HK1: variants seen among roughly 807,000 people sequenced by gnomAD.
HK1 encodes the protein hexokinase 1.
Under a neutral mutation model 91.6 loss-of-function variants are expected in HK1, and 28 were observed. The ratio of observed to expected loss-of-function variants is 0.31; its 90% CI spans 0.23 to 0.42. The LOEUF is 0.42. HK1 is among the 10% of genes least tolerant of loss of function. HK1 has a pLI of 1.00. For missense variants in HK1, 770 were observed against 1,219.8 expected (o/e 0.63, Z 5.49); for synonymous variants, 430 against 468.1 (o/e 0.92, Z 1.05).
chr10:69,382,918 A>C, intron 10 of HK1, 127 bp downstream of exon 10: 4 of 807,832 alleles, frequency 5.0e-6, no homozygotes, highest in Non-Finnish European at 8.1e-6. Flanking sequence ...AGAGCTAGAA[A>C]CTCCCTCACA....
At chr10:69,287,106 A>G (rs76955445) in intron 2 of HK1, among the ~76,000 whole-genome samples, 2,849 of 152,330 alleles carry the variant, frequency 0.019, 85 homozygotes, top group African/African-American at 0.06. Flanking sequence ...AAAAAAGAAA[A>G]GAAAGAAAAA....
intron 3 of HK1, chr10:69,292,299 C>T (rs1246745227): frequency 2.3e-6 from 1 of 430,642 alleles, no homozygotes; most frequent in Non-Finnish European, 4.6e-6. Flanking sequence ...TCTTAAATCC[C>T]TGGCGTCAAG....
At position 69,364,890 on chromosome 10, in the gene HK1, C is replaced by A; in HGVS notation, c.483C>A (p.Ser161=). ...CGTTTTCTTTTCCTTGCCAACAATC[C>A]AAAATAGATGAGGTAAGGATGTTCT... ...GFTFSFPCQQ[S]KIDEAILITW... is the part of the protein sequence containing the mutation. The change falls in exon 4 of 18, where the codon TCC becomes TCA. Residue 161 remains serine (S), a synonymous_variant. Coordinates refer to ENST00000359426, the MANE Select transcript of HK1 (RefSeq NM_000188.3). 1 of 1,614,020 alleles carries A rather than the reference C, an allele frequency of 6.2e-7. No individual in the cohort carries two copies. Among genetic ancestry groups the A allele is most frequent in the Non-Finnish European group, 8.5e-7 (1 of 1,180,022 alleles).
At chr10:69,318,722 A>G (rs1246568536), upstream of HK1, 17 of 770,798 alleles carry the variant, frequency 2.2e-5, no homozygotes, top group Middle Eastern at 4.1e-4. Context: ...GCCGCAACCA[A>G]TGGGCGTGGA....
rs190948283 is a variant in HK1 at position 69,306,572 on chromosome 10, G to A, written c.27+5711G>A. ...GGAGGGTGGAGGAACAGTCAGCTATGCATTCATACTCAGTGAATGTGCATT... is the reference window on the plus strand; with the variant it reads ...GGAGGGTGGAGGAACAGTCAGCTATACATTCATACTCAGTGAATGTGCATT... On this transcript the variant is annotated intron_variant, in intron 5 of 21. Coordinates refer to the HK1 transcript ENST00000360289. Among the ~76,000 whole-genome samples the A allele has an allele frequency of 9.9e-4, 150 of 152,256 alleles. 1 individual carries two copies. The highest frequency in any genetic ancestry group is 2.2e-3 in the Admixed American group (34 of 15,294).
chr10:69,309,957 G>A (rs535196681), intron 5 of HK1, among the ~76,000 whole-genome samples: 1 of 150,396 alleles, frequency 6.6e-6, no homozygotes, highest in African/African-American at 2.4e-5. Context: ...GGCTGAGGCA[G>A]GAGAATTGCT....
chr10:69,384,642 T>C, intron 11 of HK1, 154 bp from the exon 12 acceptor site: 1 of 1,408,116 alleles, frequency 7.1e-7, no homozygotes, highest in Middle Eastern at 1.8e-4. Context: ...TGTGACACTC[T>C]GGTGGCTGAG....
intron 16 of HK1, among the ~76,000 whole-genome samples, chr10:69,396,639 A>G (rs1223911302): frequency 6.6e-6 from 1 of 152,024 alleles, no homozygotes; most frequent in Non-Finnish European, 1.5e-5. Flanking sequence ...ATAATGTCTT[A>G]AGGTTCATCC....
At chr10:69,398,019 G>A (rs960197630) in intron 16 of HK1, among the ~76,000 whole-genome samples, 7 of 152,350 alleles carry the variant, frequency 4.6e-5, no homozygotes, top group South Asian at 2.1e-4. Context: ...TAAGGCATCT[G>A]GCAATGTGTA....
At chr10:69,274,681 A>G (rs889723872) in intron 1 of HK1, among the ~76,000 whole-genome samples, 1 of 152,044 alleles carries the variant, frequency 6.6e-6, no homozygotes, top group Non-Finnish European at 1.5e-5. Context: ...CTCTTTCTCA[A>G]ATACAACAAT....
At position 69,276,118 on chromosome 10, in the gene HK1, A is replaced by AAATATATATATATATATAT; in HGVS notation, c.-391+6011_-391+6012insATATATATATATATATATA. Among the ~76,000 whole-genome samples the AAATATATATATATATATAT allele has an allele frequency of 2.3e-3, 87 of 38,258 alleles. 10 individuals carry two copies. The highest frequency in any genetic ancestry group is 3.5e-3 in the Non-Finnish European group (68 of 19,624). The allele number at this position is 38,258 out of a possible 152,430, so 25.1% of individuals were successfully genotyped here. ...AAAAAAAAAAAAAAAAAAAAAAAAA[A>AAATATATATATATATATAT]ATACATATATATATATATATACACA... On this transcript the variant is annotated intron_variant, in intron 1 of 21. Coordinates refer to the HK1 transcript ENST00000360289.
chr10:69,356,425 C>CTGT (rs1397132204), intron 2 of HK1, among the ~76,000 whole-genome samples: 6 of 152,054 alleles, frequency 3.9e-5, no homozygotes, highest in Non-Finnish European at 8.8e-5. Flanking sequence ...GAGCAAGACC[C>CTGT]TGTCTCAAAC....
At position 69,380,781 on chromosome 10, in the gene HK1, T is replaced by C. The variant is rs1332294943; in HGVS notation, c.1265+686T>C. ...CATCTCACCTTAGTTTTAGAAGCCA[T>C]GTTGTCCTGTGAGAACGTGGCTTAT... On this transcript the variant is annotated intron_variant, in intron 9 of 17. Coordinates refer to ENST00000359426, the MANE Select transcript of HK1 (RefSeq NM_000188.3). This position sits in a 1 kb window ranked among gnomAD's most constrained non-coding sequence, Gnocchi z 4.0. 1.3e-5 allele frequency among the ~76,000 whole-genome samples: 2 copies of C among 152,222 alleles called. No individual in the cohort carries two copies. Among genetic ancestry groups the C allele is most frequent in the South Asian group, 4.1e-4 (2 of 4,828 alleles).
At position 69,369,729 on chromosome 10, in the gene HK1, A is replaced by G. The variant is rs375686059; in HGVS notation, c.875+105A>G. On this transcript the variant is annotated intron_variant, in intron 7 of 17. Coordinates refer to ENST00000359426, the MANE Select transcript of HK1 (RefSeq NM_000188.3). The surrounding 1 kb of genome is among the most constrained non-coding windows in gnomAD (Gnocchi z 4.4). Reference sequence around the variant, plus strand: ...AGGGCATAAAGCCAAGTGATCACAAACAGAAAAGCCTGTCACATTTTTTTT... The same window carrying G: ...AGGGCATAAAGCCAAGTGATCACAAGCAGAAAAGCCTGTCACATTTTTTTT... The G allele has an allele frequency of 5.3e-6, 6 of 1,127,844 alleles. No individual in the cohort carries two copies. The South Asian group carries it at 8.0e-5, about 15-fold the overall frequency. 69.9% of individuals were successfully genotyped at this position (1,127,844 alleles called of 1,614,324 possible). A position where few individuals can be genotyped will look rare whatever the true frequency, so the allele number is the denominator to read the frequency against.
At chr10:69,292,266 T>C in intron 3 of HK1, 1 of 385,316 alleles carries the variant, frequency 2.6e-6, no homozygotes, top group Non-Finnish European at 5.2e-6. Flanking sequence ...AGAGACAGGG[T>C]CTTGCTATGT....
intron 2 of HK1, among the ~76,000 whole-genome samples, chr10:69,345,348 T>A (rs1160055407): frequency 6.6e-6 from 1 of 152,078 alleles, no homozygotes; most frequent in Non-Finnish European, 1.5e-5. Context: ...GCCATCAGAG[T>A]GAATAGACTG....
rs191563405 is a variant in HK1 at position 69,379,036 on chromosome 10, C to T, written c.1032-826C>T. Among the ~76,000 whole-genome samples, 648 of 152,282 alleles carry T rather than the reference C, an allele frequency of 4.3e-3. 6 individuals are homozygous for T. The highest frequency in any genetic ancestry group is 0.015 in the African/African-American group (623 of 41,556). On this transcript the variant is annotated intron_variant, in intron 8 of 17. Coordinates refer to ENST00000359426, the MANE Select transcript of HK1 (RefSeq NM_000188.3). ...TTGTTTGAGGTTCGTGCCGCAGTAA[C>T]AGACACAGTATTTGATTGCACATAC...
chr10:69,388,255 C>T (rs1839739389), intron 13 of HK1, among the ~76,000 whole-genome samples: 2 of 152,188 alleles, frequency 1.3e-5, no homozygotes, highest in Admixed American at 6.5e-5. Flanking sequence ...GCCTGGGTAA[C>T]GTAGTAAGAC....
At chr10:69,297,090 C>CA (rs1359774759) in intron 4 of HK1, among the ~76,000 whole-genome samples, 1 of 152,162 alleles carries the variant, frequency 6.6e-6, no homozygotes, top group Non-Finnish European at 1.5e-5. Flanking sequence ...TCTACTCCCC[C>CA]AAAACCAAAC....
Sources: gnomAD v4.1 joint callset for allele counts (sites outside exome capture counted in the v4.1 genomes callset) on GRCh38, gnomAD v4.1.1 for gene constraint, Gnocchi (gnomAD v3.1) non-coding constraint, MANE v1.5 for transcripts, NCBI Gene and HGNC (gene_info 2026-07-23, HGNC 2026-07-21) for gene names.